UNC80: variants seen among roughly 807,000 people sequenced by gnomAD.
The protein encoded by UNC80 is unc-80 subunit of NALCN channel complex.
UNC80 carries 164 observed loss-of-function variants against 384.6 expected under a neutral mutation model. That is an observed-to-expected ratio of 0.43 (90% CI 0.38 to 0.49). The LOEUF (loss-of-function observed/expected upper bound fraction) is 0.49. Among genes scored for constraint, UNC80 ranks in the 20% least tolerant of loss-of-function variants. UNC80 has a pLI of 0.00. For synonymous variants in UNC80, 1,486 were observed against 1,527.8 expected (o/e 0.97, Z 0.64); for missense variants, 3,330 against 4,143.0 (o/e 0.80, Z 5.39).
intron 22 of UNC80, among the ~76,000 whole-genome samples, chr2:209,865,014 T>C (rs935420251): frequency 1.3e-5 from 2 of 152,310 alleles, no homozygotes; most frequent in African/African-American, 4.8e-5. Flanking sequence ...GGTTGCACAA[T>C]TCCATGTTAA....
At chr2:209,955,282 C>T (rs577734169) in intron 48 of UNC80, among the ~76,000 whole-genome samples, 1 of 152,156 alleles carries the variant, frequency 6.6e-6, no homozygotes, top group South Asian at 2.1e-4. Flanking sequence ...CCCTTTAGTC[C>T]AGGAAGGACT....
At chr2:209,912,728 G>A in intron 30 of UNC80, 61 bp downstream of exon 30, 1 of 1,156,044 alleles carries the variant, frequency 8.7e-7, no homozygotes, top group Non-Finnish European at 1.2e-6. Flanking sequence ...ACTCCAGACA[G>A]CCTATTTACT....
chr2:209,834,260 T>A, intron 17 of UNC80, 92 bp downstream of exon 17: 1 of 1,367,716 alleles, frequency 7.3e-7, no homozygotes, highest in Non-Finnish European at 9.9e-7. Flanking sequence ...TGTGCTGAAA[T>A]GTCAGCATAG....
chr2:209,839,492 C>T lies in UNC80; in HGVS notation c.3250+62C>T. On this transcript the variant is annotated intron_variant, in intron 19 of 64. Coordinates refer to ENST00000673920, the MANE Select transcript of UNC80 (RefSeq NM_001371986.1). The surrounding 1 kb of genome is among the most constrained non-coding windows in gnomAD (Gnocchi z 4.1). Reference sequence around the variant, plus strand: ...ATTACCAACCATGTCCTCAGATCAACTCAGTGATGCATAGTAGGGCCGAAA... The same window carrying T: ...ATTACCAACCATGTCCTCAGATCAATTCAGTGATGCATAGTAGGGCCGAAA... 6 of 1,519,810 alleles carry T rather than the reference C, an allele frequency of 3.9e-6. No individual in the cohort carries two copies. In the South Asian group the frequency reaches 7.3e-5, roughly 18 times the overall value. 94.1% of individuals were successfully genotyped at this position (1,519,810 alleles called of 1,614,324 possible). A position where few individuals can be genotyped will look rare whatever the true frequency, so the allele number is the denominator to read the frequency against.
chr2:209,875,498 G>C (rs558028348), intron 23 of UNC80, among the ~76,000 whole-genome samples: 3 of 152,108 alleles, frequency 2.0e-5, no homozygotes, highest in African/African-American at 7.2e-5. Flanking sequence ...AGCATTCCTG[G>C]GTAGCTAGTA....
chr2:209,786,316 T>A, intron 5 of UNC80, 127 bp downstream of exon 5: 5 of 1,231,830 alleles, frequency 4.1e-6, no homozygotes, highest in Non-Finnish European at 5.5e-6. Context: ...GTTATTTAAG[T>A]GTCCTGATAT....
chr2:209,868,146 G>A (rs1416147095), intron 22 of UNC80, among the ~76,000 whole-genome samples: 2 of 152,146 alleles, frequency 1.3e-5, no homozygotes, highest in African/African-American at 4.8e-5. Flanking sequence ...ATTCAATACA[G>A]CTAAGTAATA....
chr2:209,978,716 A>G lies in UNC80; in HGVS notation c.9118+8A>G. 2.6e-6 allele frequency: 4 copies of G among 1,520,750 alleles called. No individual in the cohort carries two copies. The highest frequency in any genetic ancestry group is 2.7e-6 in the Non-Finnish European group (3 of 1,123,780). The allele number at this position is 1,520,750 out of a possible 1,614,324, so 94.2% of individuals were successfully genotyped here. The stretch of plus-strand genomic sequence containing the variant: ...ATGAGGAAGATGAGGAAAGTAGGTC[A>G]TTCCAGAGAATCTGGGCAGTAGACA... On this transcript the variant is annotated splice_region_variant and intron_variant, in intron 59 of 64. Coordinates refer to ENST00000673920, the MANE Select transcript of UNC80 (RefSeq NM_001371986.1).
Position 209,877,963 on chromosome 2 carries a change from G to A in UNC80, c.3850G>A (p.Val1284Ile), listed in dbSNP as rs1012210225. The change falls in exon 24 of 65, where the codon GTC becomes ATC. Residue 1284 changes from valine to isoleucine, a missense_variant. Val to Ile is a conservative substitution (Grantham distance 29). This residue lies in a region of UNC80 where 801 missense variants were observed against 950.8 expected (regional missense o/e 0.84). Coordinates refer to ENST00000673920, the MANE Select transcript of UNC80 (RefSeq NM_001371986.1). ...LFYQWGDAIG[V>I]RLNELCHGES... ...TTCCTTCCCATTTTAGGCAATTGGC[G>A]TCCGATTGAATGAGCTGTGCCACGG... is the stretch of plus-strand genomic sequence containing the variant. The A allele has an allele frequency of 2.1e-5, 32 of 1,528,064 alleles. No homozygotes were observed. The highest frequency in any genetic ancestry group is 2.8e-5 in the African/African-American group (2 of 71,640). The allele number at this position is 1,528,064 out of a possible 1,614,324, so 94.7% of individuals were successfully genotyped here.
In UNC80 at chr2:209,787,450, C is replaced by T. The variant is rs192312842; in HGVS notation, c.724+1261C>T. Among the ~76,000 whole-genome samples, 163 of 152,192 alleles carry T rather than the reference C, an allele frequency of 1.1e-3. 1 individual carries two copies. The highest frequency in any genetic ancestry group is 1.9e-3 in the Non-Finnish European group (132 of 68,010). On this transcript the variant is annotated intron_variant, in intron 5 of 64. Coordinates refer to ENST00000673920, the MANE Select transcript of UNC80 (RefSeq NM_001371986.1). ...AACTCACTGTGTCTTAGTTTCTTAC[C>T]CTGTAAAATTGGCATAATAATATGG...
At chr2:209,973,313 T>G in intron 56 of UNC80, 43 bp downstream of exon 56, 1 of 1,478,306 alleles carries the variant, frequency 6.8e-7, no homozygotes, top group Non-Finnish European at 9.2e-7. Flanking sequence ...TGCATGTGTA[T>G]GTATATGTAT....
At chr2:209,776,905 G>A (rs1217342849) in intron 3 of UNC80, among the ~76,000 whole-genome samples, 1 of 152,136 alleles carries the variant, frequency 6.6e-6, no homozygotes, top group Non-Finnish European at 1.5e-5. Context: ...CCTTGTTTGA[G>A]CCTCTGCTCA....
intron 37 of UNC80, among the ~76,000 whole-genome samples, 197 bp downstream of exon 37, chr2:209,930,168 C>CTATA (rs143579809): frequency 1.5e-3 from 225 of 150,020 alleles, no homozygotes; most frequent in African/African-American, 5.2e-3. Flanking sequence ...ATTCATGTTT[C>CTATA]TATATATATA....
At chr2:209,973,885 T>C (rs891670086) in intron 56 of UNC80, among the ~76,000 whole-genome samples, 1 of 152,216 alleles carries the variant, frequency 6.6e-6, no homozygotes, top group Non-Finnish European at 1.5e-5. Context: ...ATCATTACTC[T>C]AGTGAGGCCA....
At chr2:209,866,531 C>CACAT (rs1553557011) in intron 22 of UNC80, among the ~76,000 whole-genome samples, 5 of 122,078 alleles carry the variant, frequency 4.1e-5, no homozygotes, top group South Asian at 3.0e-4. Context: ...CACACACACA[C>CACAT]ACAGAGAGAG....
At chr2:209,842,579 C>A in intron 21 of UNC80, 133 bp downstream of exon 21, 1 of 660,106 alleles carries the variant, frequency 1.5e-6, no homozygotes, top group Non-Finnish European at 2.6e-6. Flanking sequence ...CCTTTTACCA[C>A]TGTCTATAGC....
chr2:209,931,318 A>T (rs1337606516), intron 38 of UNC80, among the ~76,000 whole-genome samples: 1 of 117,678 alleles, frequency 8.5e-6, no homozygotes, highest in African/African-American at 2.6e-5. Context: ...TTGAGAAAAC[A>T]TGTGTTCTTT....
intron 62 of UNC80, among the ~76,000 whole-genome samples, chr2:209,992,951 G>A (rs1575255518): frequency 2.0e-5 from 3 of 152,152 alleles, no homozygotes. Flanking sequence ...AGCATCTGAG[G>A]TTTTGAAAAT....
chr2:209,903,566 A>ATATATAGTATATATAC (rs1559299305), intron 28 of UNC80, among the ~76,000 whole-genome samples: 8 of 2,404 alleles, frequency 3.3e-3, no homozygotes, highest in Admixed American at 0.011. Context: ...TATATATACT[A>ATATATAGTATATATAC]TATATATAGT....
Sources: allele counts gnomAD v4.1 joint callset (sites outside exome capture counted in the v4.1 genomes callset), GRCh38; gene constraint gnomAD v4.1.1; regional missense constraint gnomAD v4.1.1; non-coding constraint Gnocchi (gnomAD v3.1); transcripts MANE v1.5; gene names NCBI Gene and HGNC (gene_info 2026-07-23, HGNC 2026-07-21).